AXDND1: variants seen among roughly 807,000 people sequenced by gnomAD.
AXDND1 encodes the protein axonemal dynein light chain domain-containing protein 1.
A neutral mutation model predicts 137.5 loss-of-function variants in AXDND1; 110 were observed. The observed-to-expected ratio is 0.80, with a 90% confidence interval of 0.69 to 0.94. The LOEUF (loss-of-function observed/expected upper bound fraction) is 0.94. Ranked by LOEUF, AXDND1 falls within the 40% of genes least tolerant of loss-of-function variation. AXDND1 has a pLI of 0.00. For synonymous variants in AXDND1, 414 were observed against 399.7 expected, an observed-to-expected ratio of 1.04 and a Z score of -0.43; for missense variants, 1,191 against 1,169.8, an observed-to-expected ratio of 1.02 and a Z score of -0.26.
chr1:179,539,614 C>T (rs1286092444), intron 25 of AXDND1, among the ~76,000 whole-genome samples: 1 of 152,120 alleles, frequency 6.6e-6, no homozygotes, highest in African/African-American at 2.4e-5. Flanking sequence ...TCTCTGGCTG[C>T]CCTTAATATT....
At position 179,395,114 on chromosome 1, in the gene AXDND1, C is replaced by T. The variant is rs200955275; in HGVS notation, c.1021C>T (p.Arg341Trp). The change falls in exon 11 of 26, where the codon CGG (arginine) becomes TGG (tryptophan). Residue 341 changes from arginine to tryptophan, a missense_variant. Arg to Trp is a moderately radical substitution (Grantham distance 101). Transcript: ENST00000367618. ...TTATTTCAGGGAACTGTGTCTAGTT[C>T]GGGCACATGATGTGAAATTAACAAA... Reference protein sequence around the residue: ...EELTRELCLVRAHDVKLTKET... With the variant: ...EELTRELCLVWAHDVKLTKET... 4.0e-5 allele frequency: 64 copies of T among 1,611,616 alleles called. No homozygotes were observed. The highest frequency in any genetic ancestry group is 5.3e-5 in the African/African-American group (4 of 74,920).
intron 17 of AXDND1, among the ~76,000 whole-genome samples, chr1:179,472,245 A>T (rs929723709): frequency 3.3e-5 from 5 of 152,020 alleles, no homozygotes; most frequent in Non-Finnish European, 7.4e-5. Context: ...TTCTCTTGTG[A>T]TTTATTCATT....
At chr1:179,434,100 A>G (rs1020681538) in intron 15 of AXDND1, among the ~76,000 whole-genome samples, 2 of 152,154 alleles carry the variant, frequency 1.3e-5, no homozygotes, top group African/African-American at 4.8e-5. Context: ...CTTTACCATT[A>G]TGTAATGCCC....
rs1020419691 is a variant in AXDND1 at position 179,491,539 on chromosome 1, T to C, written c.2093T>C (p.Met698Thr). The change falls in exon 19 of 26, where the codon ATG becomes ACG. Residue 698 changes from methionine (M) to threonine (T), a missense_variant and splice_region_variant. Physicochemically the swap from Met to Thr is moderately conservative, Grantham distance 81. Transcript: ENST00000367618. ...TGTATTATACTCATTTTTTAACAGA[T>C]GGATGAGTTACATATATCTATGATC... ...NNGNIELQHH[M>T]DELHISMIQW... The C allele has an allele frequency of 5.0e-6, 8 of 1,586,792 alleles. No homozygotes were observed. Among genetic ancestry groups the C allele is most frequent in the Non-Finnish European group, 6.9e-6 (8 of 1,159,110 alleles).
At chr1:179,505,310 T>TTGG (rs10689393) in intron 20 of AXDND1, among the ~76,000 whole-genome samples, 133,496 of 152,014 alleles carry the variant, frequency 0.88, 58,796 homozygotes, top group East Asian at 0.96. Context: ...CTAATGTTTC[T>TTGG]GCTTCTTTCC....
At chr1:179,548,266 T>G (rs910971964) in intron 25 of AXDND1, among the ~76,000 whole-genome samples, 3 of 152,238 alleles carry the variant, frequency 2.0e-5, no homozygotes, top group Admixed American at 2.0e-4. Context: ...CCATTATTTA[T>G]TAAGAATTTA....
intron 11 of AXDND1, among the ~76,000 whole-genome samples, chr1:179,400,987 G>A (rs1319023430): frequency 4.6e-5 from 7 of 150,854 alleles, no homozygotes; most frequent in South Asian, 2.1e-4. Flanking sequence ...GGCCAGGTGC[G>A]GTGGCTCACA....
intron 19 of AXDND1, 108 bp downstream of exon 19, chr1:179,491,845 A>C (rs1208389146): frequency 2.0e-6 from 2 of 992,474 alleles, no homozygotes; most frequent in Non-Finnish European, 1.4e-6. Flanking sequence ...ACCTTGAAAG[A>C]AATACTAGTT....
At chr1:179,552,532 G>T in intron 25 of AXDND1, 1 of 1,206,772 alleles carries the variant, frequency 8.3e-7, no homozygotes, top group Non-Finnish European at 1.2e-6. Flanking sequence ...CAGTAAGGAA[G>T]CAAAGGGGAA....
At chr1:179,397,002 G>A (rs1271007138) in intron 11 of AXDND1, among the ~76,000 whole-genome samples, 9 of 152,156 alleles carry the variant, frequency 5.9e-5, no homozygotes, top group Admixed American at 5.9e-4. Flanking sequence ...AACCAGTAAA[G>A]ATATATATAG....
rs764766519 is a variant in AXDND1 at position 179,385,308 on chromosome 1, G to A, written c.812G>A (p.Arg271Gln). The A allele has an allele frequency of 5.0e-6, 8 of 1,613,634 alleles. No individual in the cohort carries two copies. Among genetic ancestry groups the A allele is most frequent in the African/African-American group, 2.7e-5 (2 of 74,870 alleles). The change falls in exon 9 of 26, where the codon CGA becomes CAA. Residue 271 changes from arginine to glutamine, a missense_variant. Coordinates refer to ENST00000367618, the MANE Select transcript of AXDND1 (RefSeq NM_144696.6). ...AACATGATATTTCATGAACTTATTC[G>A]ACAAGTCAGTGTGGACTGTGCAGAC... is the stretch of plus-strand genomic sequence containing the variant. Reference protein sequence around the residue: ...IYNMIFHELIRQVSVDCADRG... With the variant: ...IYNMIFHELIQQVSVDCADRG...
chr1:179,551,722 G>A (rs1673310233), intron 25 of AXDND1: 3 of 455,460 alleles, frequency 6.6e-6, no homozygotes, highest in Non-Finnish European at 1.2e-5. Flanking sequence ...GGCCTTGAAA[G>A]ATTAGGATTT....
chr1:179,411,230 T>A lies in AXDND1; in HGVS notation c.1194T>A (p.Asp398Glu). Reference sequence around the variant, plus strand: ...TGAAAAAGTTAGTGGCAGAAAGAGATATCTGGAGCTCAGCCACATATGAAT... The same window carrying A: ...TGAAAAAGTTAGTGGCAGAAAGAGAAATCTGGAGCTCAGCCACATATGAAT... ...NDMKKLVAERDIWSSATYELA... is the reference protein window; with the variant it reads ...NDMKKLVAEREIWSSATYELA... The change falls in exon 12 of 26, where the codon GAT (aspartate) becomes GAA (glutamate). Residue 398 changes from aspartate to glutamate, a missense_variant. Coordinates refer to ENST00000367618, the MANE Select transcript of AXDND1 (RefSeq NM_144696.6). 6.2e-7 allele frequency: 1 copy of A among 1,613,146 alleles called. No individual in the cohort carries two copies. Among genetic ancestry groups the A allele is most frequent in the Non-Finnish European group, 8.5e-7 (1 of 1,179,668 alleles).
chr1:179,391,455 G>A (rs12130071), intron 9 of AXDND1, among the ~76,000 whole-genome samples: 16,489 of 151,954 alleles, frequency 0.11, 1,073 homozygotes, highest in East Asian at 0.35. Flanking sequence ...CATGAGGGCC[G>A]TTTCCCTCAT....
chr1:179,484,237 A>C (rs1665763199), intron 18 of AXDND1, among the ~76,000 whole-genome samples: 1 of 152,092 alleles, frequency 6.6e-6, no homozygotes, highest in Middle Eastern at 3.2e-3. Context: ...CTGCTTAGAG[A>C]GGTGGTAGGG....
rs547194636 is a variant in AXDND1, at chr1:179,434,731, C to T, written c.1563+2389C>T. 5.3e-3 allele frequency among the ~76,000 whole-genome samples: 800 copies of T among 152,194 alleles called. 10 individuals carry two copies. Among genetic ancestry groups the T allele is most frequent in the African/African-American group, 0.019 (777 of 41,512 alleles). On this transcript the variant is annotated intron_variant, in intron 15 of 25. Coordinates refer to ENST00000367618, the MANE Select transcript of AXDND1 (RefSeq NM_144696.6). ...AATAATAAGAGCTATTTATGTCAAA[C>T]CCACAGCCAATATCATACTGAATGG...
At position 179,432,249 on chromosome 1, in the gene AXDND1, T is replaced by A; in HGVS notation, c.1488-18T>A. On this transcript the variant is annotated intron_variant, in intron 14 of 25. Transcript: ENST00000367618. ...TCTTGTTCTGAGATGTTTCTCTTTT[T>A]TTTTTTCTTCTTTTCAGTGAAAAAG... 6.6e-7 allele frequency: 1 copy of A among 1,524,040 alleles called. No homozygotes were observed. The highest frequency in any genetic ancestry group is 8.8e-7 in the Non-Finnish European group (1 of 1,131,906). 94.4% of individuals were successfully genotyped at this position (1,524,040 alleles called of 1,614,324 possible). A position where few individuals can be genotyped will look rare whatever the true frequency, so the allele number is the denominator to read the frequency against.
At chr1:179,483,789 C>T (rs1665709055) in intron 18 of AXDND1, among the ~76,000 whole-genome samples, 1 of 152,162 alleles carries the variant, frequency 6.6e-6, no homozygotes, top group Non-Finnish European at 1.5e-5. Flanking sequence ...TAAAATTAAT[C>T]TGTGTAGAAA....
chr1:179,536,689 C>T (rs1671586399), intron 25 of AXDND1, among the ~76,000 whole-genome samples: 1 of 152,026 alleles, frequency 6.6e-6, no homozygotes, highest in South Asian at 2.1e-4. Flanking sequence ...TGTCTTGGCT[C>T]TGTGCACTCT....
Sources: gnomAD v4.1 joint callset for allele counts (sites outside exome capture counted in the v4.1 genomes callset) on GRCh38, gnomAD v4.1.1 for gene constraint, MANE v1.5 for transcripts, NCBI Gene and HGNC (gene_info 2026-07-23, HGNC 2026-07-21) for gene names.